ANKHD1: variants seen among roughly 807,000 people sequenced by gnomAD.
ANKHD1 encodes the protein ankyrin repeat and KH domain-containing protein 1.
ANKHD1 carries 31 observed loss-of-function variants against 230.5 expected under a neutral mutation model. The ratio of observed to expected loss-of-function variants is 0.13; its 90% CI spans 0.10 to 0.18. The LOEUF (loss-of-function observed/expected upper bound fraction) is 0.18, where lower values mean the gene tolerates loss of function less well. Among genes scored for constraint, ANKHD1 ranks in the 10% least tolerant of loss-of-function variants. The probability of loss-of-function intolerance (pLI) is 1.00; values close to 1 mark genes in which losing one functional copy is unlikely to be tolerated. For synonymous variants in ANKHD1, 1,074 were observed against 1,117.6 expected, an observed-to-expected ratio of 0.96 and a Z score of 0.78; for missense variants, 2,256 against 3,071.3, an observed-to-expected ratio of 0.73 and a Z score of 6.27.
At chr5:140,431,586 T>G (rs1309469662) in intron 1 of ANKHD1, among the ~76,000 whole-genome samples, 1 of 152,210 alleles carries the variant, frequency 6.6e-6, no homozygotes, top group African/African-American at 2.4e-5. Flanking sequence ...AGATAGTGTC[T>G]TTGTTTATTG....
At chr5:140,530,360 C>T (rs1290569894) in intron 29 of ANKHD1, among the ~76,000 whole-genome samples, 1 of 152,026 alleles carries the variant, frequency 6.6e-6, no homozygotes, top group Non-Finnish European at 1.5e-5. Flanking sequence ...TACAGGCATG[C>T]GCCACCATGC....
chr5:140,428,358 G>A (rs374743962), intron 1 of ANKHD1, among the ~76,000 whole-genome samples: 1 of 152,384 alleles, frequency 6.6e-6, no homozygotes, highest in African/African-American at 2.4e-5. Context: ...TGAGCACTGA[G>A]TGAACGAGAC....
intron 1 of ANKHD1, 149 bp from the exon 2 acceptor site, chr5:140,435,955 A>G: frequency 9.4e-7 from 1 of 1,067,442 alleles, no homozygotes; most frequent in Non-Finnish European, 1.3e-6. Context: ...AATGTCCTTC[A>G]AAGTCCATTC....
chr5:140,424,414 G>C (rs1772240767), intron 1 of ANKHD1, among the ~76,000 whole-genome samples: 1 of 152,110 alleles, frequency 6.6e-6, no homozygotes, highest in Non-Finnish European at 1.5e-5. Flanking sequence ...CTCCCAAGCA[G>C]CTCTGACTCC....
intron 24 of ANKHD1, among the ~76,000 whole-genome samples, chr5:140,518,181 A>T (rs1445425597): frequency 1.3e-5 from 2 of 152,206 alleles, no homozygotes; most frequent in Non-Finnish European, 1.5e-5. Context: ...TAAACTAGAA[A>T]ATCTAGAAGA....
At chr5:140,469,484 G>A (rs1219654859) in intron 10 of ANKHD1, among the ~76,000 whole-genome samples, 1 of 152,044 alleles carries the variant, frequency 6.6e-6, no homozygotes, top group Non-Finnish European at 1.5e-5. Flanking sequence ...TCCAGCCGGG[G>A]CAATAGAGGG....
intron 9 of ANKHD1, among the ~76,000 whole-genome samples, chr5:140,461,534 A>C (rs1369757993): frequency 6.6e-6 from 1 of 152,154 alleles, no homozygotes; most frequent in African/African-American, 2.4e-5. Context: ...ATTTTTTCAA[A>C]CATACAGAGA....
At chr5:140,501,902 T>G (rs979314441) in intron 15 of ANKHD1, among the ~76,000 whole-genome samples, 1 of 152,116 alleles carries the variant, frequency 6.6e-6, no homozygotes, top group Non-Finnish European at 1.5e-5. Context: ...CACCTCATTT[T>G]AAAATAGTGG....
chr5:140,467,534 C>T (rs1776177779), intron 10 of ANKHD1, among the ~76,000 whole-genome samples: 1 of 152,140 alleles, frequency 6.6e-6, no homozygotes, highest in Admixed American at 6.5e-5. Flanking sequence ...GCACAATGAG[C>T]ATGCCTGTGA....
At position 140,496,975 on chromosome 5, in the gene ANKHD1, A is replaced by C. The variant is rs781668825; in HGVS notation, c.2701A>C (p.Thr901Pro). The C allele has an allele frequency of 8.7e-6, 14 of 1,614,096 alleles. No individual in the cohort carries two copies. The Admixed American group carries it at 2.3e-4, about 27-fold the overall frequency. ...DHFSELPQVDTILFKDNDVDD... is the reference protein window; with the variant it reads ...DHFSELPQVDPILFKDNDVDD... The stretch of plus-strand genomic sequence containing the variant: ...CTTTTCAGAGTTACCTCAGGTTGAC[A>C]CAATCTTATTTAAAGATAATGATGT... Residue 901 changes from threonine (T) to proline (P), a missense_variant, in exon 15 of 34, where the codon ACA (threonine) becomes CCA (proline). Thr to Pro is a conservative substitution (Grantham distance 38). Around this residue, in one of 13 missense-constraint regions of ANKHD1, gnomAD observed 358 missense variants for 397.7 expected, o/e 0.90. Transcript: ENST00000360839.
At chr5:140,479,631 T>C (rs939742947) in intron 10 of ANKHD1, among the ~76,000 whole-genome samples, 1 of 151,292 alleles carries the variant, frequency 6.6e-6, no homozygotes, top group African/African-American at 2.4e-5. Flanking sequence ...TATACATATA[T>C]GTGTTCCCAT....
At chr5:140,449,888 A>G (rs959012878) in intron 7 of ANKHD1, among the ~76,000 whole-genome samples, 1 of 152,146 alleles carries the variant, frequency 6.6e-6, no homozygotes, top group African/African-American at 2.4e-5. Context: ...TGACCTCAAA[A>G]TATATTGACT....
intron 1 of ANKHD1, among the ~76,000 whole-genome samples, chr5:140,424,675 G>A (rs143462109): frequency 3.0e-4 from 46 of 152,248 alleles, no homozygotes; most frequent in African/African-American, 9.9e-4. Context: ...GATTGATCTG[G>A]TATTAGAGTT....
Position 140,529,714 on chromosome 5 carries a change from A to T in ANKHD1, c.6768A>T (p.Gly2256=), listed in dbSNP as rs779893646. ...QSAFLGNSVL[G]HLENMHPDNS... is the part of the protein sequence containing the mutation. Reference sequence around the variant, plus strand: ...CGTTCCTGGGTAACTCAGTGCTTGGACACTTGGAAAACATGCACCCTGATA... The same window carrying T: ...CGTTCCTGGGTAACTCAGTGCTTGGTCACTTGGAAAACATGCACCCTGATA... Residue 2256 remains glycine, a synonymous_variant, in exon 29 of 34, where the codon GGA becomes GGT. Transcript: ENST00000360839. The T allele has an allele frequency of 3.1e-6, 5 of 1,614,142 alleles. No individual in the cohort carries two copies. Among genetic ancestry groups the T allele is most frequent in the Non-Finnish European group, 4.2e-6 (5 of 1,180,036 alleles).
intron 7 of ANKHD1, among the ~76,000 whole-genome samples, chr5:140,452,827 G>A (rs1360377818): frequency 1.3e-5 from 2 of 152,208 alleles, no homozygotes; most frequent in East Asian, 3.9e-4. Flanking sequence ...CCCTCCAAAG[G>A]AACGCAGCTC....
chr5:140,425,637 T>G (rs574878917), intron 1 of ANKHD1, among the ~76,000 whole-genome samples: 1 of 152,320 alleles, frequency 6.6e-6, no homozygotes, highest in Non-Finnish European at 1.5e-5. Context: ...GAAAGAACCT[T>G]GAAAAGCTTT....
Position 140,538,200 on chromosome 5 carries a change from T to C in ANKHD1, c.7343T>C (p.Met2448Thr), listed in dbSNP as rs758332855. 1 of 1,614,220 alleles carries C rather than the reference T, an allele frequency of 6.2e-7. No individual in the cohort carries two copies. Among genetic ancestry groups the C allele is most frequent in the Non-Finnish European group, 8.5e-7 (1 of 1,180,040 alleles). ...HQPMERDDSGMVAPSNIFHQP... is the reference protein window; with the variant it reads ...HQPMERDDSGTVAPSNIFHQP... ...CCAATGGAGAGAGATGATTCTGGAA[T>C]GGTAGCCCCCTCTAACATTTTTCAT... is the stretch of plus-strand genomic sequence containing the variant. The change falls in exon 32 of 34, where the codon ATG (methionine) becomes ACG (threonine). Residue 2448 changes from methionine to threonine, a missense_variant. Around this residue, in one of 13 missense-constraint regions of ANKHD1, gnomAD observed 778 missense variants for 966.5 expected, o/e 0.80. Coordinates refer to ENST00000360839, the MANE Select transcript of ANKHD1 (RefSeq NM_017747.3).
chr5:140,413,869 C>T (rs1771137967), intron 1 of ANKHD1, among the ~76,000 whole-genome samples: 1 of 152,100 alleles, frequency 6.6e-6, no homozygotes, highest in Admixed American at 6.6e-5. Context: ...CAACCTCCAC[C>T]TCCTGGGTTC....
rs766553503 is a variant in ANKHD1 at position 140,497,272 on chromosome 5, A to C, written c.2998A>C (p.Ile1000Leu). The change falls in exon 15 of 34, where the codon ATA becomes CTA. Residue 1000 changes from isoleucine to leucine, a missense_variant. Physicochemically the swap from Ile to Leu is conservative, Grantham distance 5. Coordinates refer to ENST00000360839, the MANE Select transcript of ANKHD1 (RefSeq NM_017747.3). ...GCTTACCGACACTCTTGATGACCTGATAGCAGGTGGGTTAAGAAATATATC... is the reference window on the plus strand; with the variant it reads ...GCTTACCGACACTCTTGATGACCTGCTAGCAGGTGGGTTAAGAAATATATC... ...QTLTDTLDDLIAAVSTRVPTG... is the reference protein window; with the variant it reads ...QTLTDTLDDLLAAVSTRVPTG... 6.3e-7 allele frequency: 1 copy of C among 1,599,692 alleles called. No individual in the cohort carries two copies. Among genetic ancestry groups the C allele is most frequent in the African/African-American group, 1.3e-5 (1 of 74,784 alleles).
Sources: allele counts gnomAD v4.1 joint callset (sites outside exome capture counted in the v4.1 genomes callset), GRCh38; gene constraint gnomAD v4.1.1; regional missense constraint gnomAD v4.1.1; transcripts MANE v1.5; gene names NCBI Gene and HGNC (gene_info 2026-07-23, HGNC 2026-07-21).